The following CFAP20DC variants were observed in gnomAD, a reference collection of about 807,000 sequenced individuals.
CFAP20DC encodes the protein protein CFAP20DC.
CFAP20DC carries 84 observed loss-of-function variants against 101.7 expected under a neutral mutation model. The ratio of observed to expected loss-of-function variants is 0.83; its 90% CI spans 0.69 to 0.99. CFAP20DC has a LOEUF of 0.99. Ranked by LOEUF, CFAP20DC falls within the 50% of genes least tolerant of loss-of-function variation. The pLI is 0.00. For synonymous variants in CFAP20DC, 359 were observed against 351.2 expected (o/e 1.02, Z -0.25); for missense variants, 1,007 against 970.3 (o/e 1.04, Z -0.50).
At chr3:59,046,060 C>T (rs1560046913) in intron 3 of CFAP20DC, among the ~76,000 whole-genome samples, 169 bp downstream of exon 3, 2 of 151,272 alleles carry the variant, frequency 1.3e-5, no homozygotes, top group Non-Finnish European at 2.9e-5. Flanking sequence ...TTTTAAAGGC[C>T]TAGCATAGTG....
At position 58,964,258 on chromosome 3, in the gene CFAP20DC, T is replaced by TG. The variant is rs968625934; in HGVS notation, c.279-26497dup. Among the ~76,000 whole-genome samples, 3 of 152,224 alleles carry TG rather than the reference T, an allele frequency of 2.0e-5. No homozygotes were observed. The highest frequency in any genetic ancestry group is 7.2e-5 in the African/African-American group (3 of 41,460). On this transcript the variant is annotated intron_variant, in intron 4 of 16. Transcript: ENST00000482387. The surrounding 1 kb of genome is among the most constrained non-coding windows in gnomAD (Gnocchi z 4.1). ...AAGACTACCCACTATGGACTGGTTC[T>TG]GGCCAGTTTAGGGAGGCTGGTCACT...
At chr3:59,019,050 ACTTTT>A (rs1365019760) in intron 4 of CFAP20DC, 2 of 152,126 alleles carry the variant, frequency 1.3e-5, no homozygotes, top group East Asian at 1.9e-4. Flanking sequence ...TATTTTTGTA[ACTTTT>A]CTTTAAGTTT....
intron 4 of CFAP20DC, among the ~76,000 whole-genome samples, chr3:58,973,083 A>C (rs2092046586): frequency 6.6e-6 from 1 of 152,130 alleles, no homozygotes; most frequent in Non-Finnish European, 1.5e-5. Flanking sequence ...CTCTCTTTTT[A>C]ATTTTTTAGA....
rs550241069 is a variant in CFAP20DC at position 58,762,013 on chromosome 3, G to A, written c.2238-8150C>T. On this transcript the variant is annotated intron_variant, in intron 15 of 16. Transcript: ENST00000482387. ...TGGTGCTGAAAAGAATGTATATTCT[G>A]TTGATTTGGGGTGGAGAGTTCTGTA... Among the ~76,000 whole-genome samples the A allele has an allele frequency of 5.3e-3, 805 of 152,284 alleles. 3 individuals carry two copies. The highest frequency in any genetic ancestry group is 0.019 in the African/African-American group (775 of 41,544).
intron 12 of CFAP20DC, chr3:58,862,024 A>G: frequency 6.1e-6 from 6 of 985,194 alleles, no homozygotes; most frequent in Non-Finnish European, 7.2e-6. Flanking sequence ...TCATTTTCCC[A>G]TGAAGCTCTA....
chr3:58,853,894 A>AC (rs1336487274), intron 12 of CFAP20DC, among the ~76,000 whole-genome samples: 4 of 151,420 alleles, frequency 2.6e-5, no homozygotes, highest in African/African-American at 9.7e-5. Context: ...AATGGGCAAA[A>AC]ACTGGAAGCA....
chr3:58,758,139 T>C (rs2069136626), intron 15 of CFAP20DC, among the ~76,000 whole-genome samples: 1 of 152,130 alleles, frequency 6.6e-6, no homozygotes, highest in Admixed American at 6.6e-5. Context: ...TCTGGTGGCA[T>C]TTTGTTTGTT....
At chr3:58,948,843 G>A (rs1206473305) in intron 4 of CFAP20DC, among the ~76,000 whole-genome samples, 5 of 152,112 alleles carry the variant, frequency 3.3e-5, no homozygotes, top group Admixed American at 2.0e-4. Flanking sequence ...TCTATTGATT[G>A]GAATAGTTTC....
rs1240777614 is a variant in CFAP20DC at position 58,894,590 on chromosome 3, T to A, written c.551-9881A>T. On this transcript the variant is annotated intron_variant, in intron 6 of 16. Coordinates refer to ENST00000482387, the MANE Select transcript of CFAP20DC (RefSeq NM_001394063.1). The surrounding 1 kb of genome is among the most constrained non-coding windows in gnomAD (Gnocchi z 4.1). ...AGGGTATAGTCCCCATCTTAGATGCTTTCATGGGCTGGCACTGTCTGTGGG... is the reference window on the plus strand; with the variant it reads ...AGGGTATAGTCCCCATCTTAGATGCATTCATGGGCTGGCACTGTCTGTGGG... Among the ~76,000 whole-genome samples the A allele has an allele frequency of 6.6e-6, 1 of 152,198 alleles. No homozygotes were observed.
chr3:58,905,907 T>C (rs1233180589), intron 6 of CFAP20DC, among the ~76,000 whole-genome samples: 1 of 152,216 alleles, frequency 6.6e-6, no homozygotes, highest in Non-Finnish European at 1.5e-5. Flanking sequence ...TCTTGTATCT[T>C]TCCTTTTTAA....
chr3:58,979,165 G>C (rs571793541), intron 4 of CFAP20DC, among the ~76,000 whole-genome samples: 34 of 152,308 alleles, frequency 2.2e-4, no homozygotes, highest in African/African-American at 7.7e-4. Context: ...GCAAGTGAAA[G>C]AGGAAGGACA....
chr3:58,890,541 CG>C (rs2082111254), intron 6 of CFAP20DC, among the ~76,000 whole-genome samples: 1 of 148,228 alleles, frequency 6.7e-6, no homozygotes, highest in Admixed American at 6.6e-5. Context: ...ACCTCCCAGA[CG>C]GGGCGGCTAG....
intron 12 of CFAP20DC, among the ~76,000 whole-genome samples, chr3:58,856,656 T>C (rs2078856954): frequency 2.0e-5 from 3 of 152,172 alleles, no homozygotes. Flanking sequence ...AATCACTAGG[T>C]AATAGAGTGG....
chr3:59,044,222 A>C (rs1699658924), intron 3 of CFAP20DC, among the ~76,000 whole-genome samples: 1 of 152,198 alleles, frequency 6.6e-6, no homozygotes, highest in Non-Finnish European at 1.5e-5. Flanking sequence ...ACATAACGGT[A>C]ATTGAATTTA....
At chr3:58,818,897 C>G (rs1386236096) in intron 14 of CFAP20DC, among the ~76,000 whole-genome samples, 1 of 142,708 alleles carries the variant, frequency 7.0e-6, no homozygotes, top group Non-Finnish European at 1.5e-5. Context: ...GGAAGTAAAG[C>G]TCTCCTCAGC....
Position 58,804,448 on chromosome 3 carries a change from T to C in CFAP20DC, c.2237+1947A>G, listed in dbSNP as rs572042711. Among the ~76,000 whole-genome samples the C allele has an allele frequency of 6.0e-5, 9 of 151,074 alleles. No individual in the cohort carries two copies. The South Asian group carries it at 1.9e-3, about 32-fold the overall frequency. On this transcript the variant is annotated intron_variant, in intron 15 of 16. Transcript: ENST00000482387. ...TGTGATCTCGGCCCACTGTAACCTC[T>C]GCTTCCTGGGTTCAAGAGATTCTTG...
intron 15 of CFAP20DC, among the ~76,000 whole-genome samples, chr3:58,757,619 G>A (rs57179196): frequency 0.083 from 12,577 of 151,978 alleles, 869 homozygotes; most frequent in East Asian, 0.35. Context: ...CAAGTTCTGT[G>A]GAAATGCACC....
intron 4 of CFAP20DC, among the ~76,000 whole-genome samples, chr3:58,947,740 G>C (rs2089546960): frequency 6.6e-6 from 1 of 152,170 alleles, no homozygotes; most frequent in Admixed American, 6.5e-5. Flanking sequence ...AAAATACGGT[G>C]CAAGTAGTCT....
intron 14 of CFAP20DC, among the ~76,000 whole-genome samples, chr3:58,808,792 C>G (rs532211045): frequency 1.1e-4 from 17 of 152,134 alleles, no homozygotes; most frequent in African/African-American, 3.9e-4. Context: ...GAGTCAAGAC[C>G]CATCAGTGTG....
Sources: gnomAD v4.1 joint callset for allele counts (sites outside exome capture counted in the v4.1 genomes callset) on GRCh38, gnomAD v4.1.1 for gene constraint, Gnocchi (gnomAD v3.1) non-coding constraint, MANE v1.5 for transcripts, NCBI Gene and HGNC (gene_info 2026-07-23, HGNC 2026-07-21) for gene names.